BBS5: variants seen among roughly 807,000 people sequenced by gnomAD.
The protein encoded by BBS5 is BBSome complex member BBS5.
BBS5 carries 39 observed loss-of-function variants against 50.2 expected under a neutral mutation model. That is an observed-to-expected ratio of 0.78 (90% confidence interval 0.60 to 1.01). The LOEUF (loss-of-function observed/expected upper bound fraction) is 1.01, where lower values mean the gene tolerates loss of function less well. Among genes scored for constraint, BBS5 ranks in the 50% least tolerant of loss-of-function variants. The probability of loss-of-function intolerance (pLI) is 0.00; values close to 1 mark genes in which losing one functional copy is unlikely to be tolerated. For missense variants in BBS5, 356 were observed against 401.5 expected, an observed-to-expected ratio of 0.89 and a Z score of 0.97; for synonymous variants, 134 against 133.1, an observed-to-expected ratio of 1.01 and a Z score of -0.05.
chr2:169,497,486 C>G (rs74715514), intron 7 of BBS5, 141 bp from the exon 8 acceptor site: 29,645 of 594,442 alleles, frequency 0.05, 929 homozygotes, highest in East Asian at 0.11. Flanking sequence ...ATCTCTGTGG[C>G]AGTTTAATGA....
In BBS5 at chr2:169,504,980, G is replaced by C; in HGVS notation, c.*398G>C. ...CTACGTGTGCTTTTTCAAGGGAGCT[G>C]ATAAAGAACTTCTTCCCAAAATGGC... On this transcript the variant is annotated 3_prime_UTR_variant, in exon 12 of 12. Transcript: ENST00000295240. 6.2e-7 allele frequency: 1 copy of C among 1,612,898 alleles called. No individual in the cohort carries two copies. Among genetic ancestry groups the C allele is most frequent in the South Asian group, 1.1e-5 (1 of 91,088 alleles).
intron 5 of BBS5, 128 bp downstream of exon 5, chr2:169,488,242 G>A (rs557814920): frequency 2.3e-6 from 2 of 873,254 alleles, no homozygotes; most frequent in African/African-American, 3.4e-5. Flanking sequence ...CGAATTGGGT[G>A]AGGGTATGGT....
intron 1 of BBS5, among the ~76,000 whole-genome samples, chr2:169,481,157 A>G (rs1180067554): frequency 6.6e-6 from 1 of 152,200 alleles, no homozygotes; most frequent in Non-Finnish European, 1.5e-5. Context: ...CATACAGACA[A>G]CCACTATAAT....
At chr2:169,488,662 G>A (rs953087474) in intron 5 of BBS5, among the ~76,000 whole-genome samples, 1 of 152,230 alleles carries the variant, frequency 6.6e-6, no homozygotes, top group Non-Finnish European at 1.5e-5. Context: ...AAGCTTAGAA[G>A]TGTGGTACTG....
chr2:169,480,667 A>G (rs1486579115), intron 1 of BBS5, among the ~76,000 whole-genome samples: 1 of 90,318 alleles, frequency 1.1e-5, no homozygotes. Context: ...ATTTTCTGTC[A>G]TTCTTTTTTT....
chr2:169,489,634 T>TG (rs2105295762), intron 5 of BBS5, among the ~76,000 whole-genome samples: 1 of 151,090 alleles, frequency 6.6e-6, no homozygotes, highest in South Asian at 2.1e-4. Context: ...TTTCTTCTTG[T>TG]TGTTTACTAA....
chr2:169,499,501 C>A lies in BBS5; in HGVS notation c.697C>A (p.Leu233Ile). ...TCTCTTGTAGAGTGGTGGATATGTT[C>A]TTGGCTTTAAAATAGATCCTGTGGA... The part of the protein sequence containing the change: ...ESSQQSGGYV[L>I]GFKIDPVEKL... The change falls in exon 9 of 12, where the codon CTT (leucine) becomes ATT (isoleucine). Residue 233 changes from leucine to isoleucine, a missense_variant. Physicochemically the swap from Leu to Ile is conservative, Grantham distance 5 (BLOSUM62 2). Coordinates refer to ENST00000295240, the MANE Select transcript of BBS5 (RefSeq NM_152384.3). 6.2e-7 allele frequency: 1 copy of A among 1,612,758 alleles called. No homozygotes were observed. Among genetic ancestry groups the A allele is most frequent in the Non-Finnish European group, 8.5e-7 (1 of 1,179,354 alleles).
intron 7 of BBS5, among the ~76,000 whole-genome samples, chr2:169,496,742 G>A (rs993226126): frequency 1.4e-4 from 21 of 151,870 alleles, no homozygotes; most frequent in Admixed American, 2.0e-4. Flanking sequence ...AGTGGCGGGC[G>A]CCTGTAGTCC....
chr2:169,479,800 G>A (rs1683356521), intron 1 of BBS5, among the ~76,000 whole-genome samples, 188 bp downstream of exon 1: 1 of 152,218 alleles, frequency 6.6e-6, no homozygotes, highest in African/African-American at 2.4e-5. Context: ...CTCGAGGCCG[G>A]CGCCGCGGCA....
At position 169,505,261 on chromosome 2, in the gene BBS5, A is replaced by G. The variant is rs371518337; in HGVS notation, c.*679A>G. On this transcript the variant is annotated 3_prime_UTR_variant, in exon 12 of 12. Coordinates refer to ENST00000295240, the MANE Select transcript of BBS5 (RefSeq NM_152384.3). ...CGGAGTCTGGTTCACTTAGTGCTCA[A>G]TGGTGCCCAGGCTGGAGTGCAGTGG... The G allele has an allele frequency of 5.0e-4, 215 of 425,964 alleles. No homozygotes were observed. The highest frequency in any genetic ancestry group is 3.8e-3 in the African/African-American group (189 of 49,132). 26.4% of individuals were successfully genotyped at this position (425,964 alleles called of 1,614,324 possible). A position where few individuals can be genotyped will look rare whatever the true frequency, so the allele number is the denominator to read the frequency against.
chr2:169,482,202 A>G, intron 1 of BBS5, 49 bp from the exon 2 acceptor site: 1 of 1,142,972 alleles, frequency 8.7e-7, no homozygotes, highest in Non-Finnish European at 1.3e-6. Context: ...ATAGATTGCA[A>G]GCAGGTATAG....
Position 169,504,610 on chromosome 2 carries a change from T to C in BBS5, c.*28T>C, listed in dbSNP as rs1327645456. The C allele has an allele frequency of 2.0e-6, 3 of 1,492,868 alleles. No homozygotes were observed. The highest frequency in any genetic ancestry group is 2.8e-6 in the Non-Finnish European group (3 of 1,069,464). 92.5% of individuals were successfully genotyped at this position (1,492,868 alleles called of 1,614,324 possible). A position where few individuals can be genotyped will look rare whatever the true frequency, so the allele number is the denominator to read the frequency against. On this transcript the variant is annotated 3_prime_UTR_variant, in exon 12 of 12. Transcript: ENST00000295240. Reference sequence around the variant, plus strand: ...GACCTTGAGTTGAGATGGATTTCTATTAAAGATATCTCTAGTTTAAAGATA... The same window carrying C: ...GACCTTGAGTTGAGATGGATTTCTACTAAAGATATCTCTAGTTTAAAGATA...
Position 169,497,690 on chromosome 2 carries a change from G to T in BBS5, c.681+1G>T. ...TCTTGTCATAGAAAGCTCTCAGCAG[G>T]TAAGATCTTGTATATTTTTATTAAT... On this transcript the variant is annotated splice_donor_variant, in intron 8 of 11. Coordinates refer to ENST00000295240, the MANE Select transcript of BBS5 (RefSeq NM_152384.3). LOFTEE classifies it high-confidence loss of function. 5 of 1,571,912 alleles carry T rather than the reference G, an allele frequency of 3.2e-6. No homozygotes were observed. Among genetic ancestry groups the T allele is most frequent in the Middle Eastern group, 1.7e-4 (1 of 5,960 alleles).
Position 169,504,639 on chromosome 2 carries a change from G to GGCCGGGCGCGGTGGC in BBS5, c.*57_*58insGCCGGGCGCGGTGGC. Reference sequence around the variant, plus strand: ...AGATATCTCTAGTTTAAAGATACTAGTCACCTGCCATAAGTCATGGAATAG... The same window carrying GGCCGGGCGCGGTGGC: ...AGATATCTCTAGTTTAAAGATACTAGGCCGGGCGCGGTGGCTCACCTGCCATAAGTCATGGAATAG... On this transcript the variant is annotated 3_prime_UTR_variant, in exon 12 of 12. Transcript: ENST00000295240. 7.7e-7 allele frequency: 1 copy of GGCCGGGCGCGGTGGC among 1,305,200 alleles called. No homozygotes were observed. Among genetic ancestry groups the GGCCGGGCGCGGTGGC allele is most frequent in the Non-Finnish European group, 1.1e-6 (1 of 898,814 alleles). The allele number at this position is 1,305,200 out of a possible 1,614,324, so 80.9% of individuals were successfully genotyped here. A position where few individuals can be genotyped will look rare whatever the true frequency, so the allele number is the denominator to read the frequency against.
rs150526482 is a variant in BBS5, at chr2:169,504,184, A to C, written c.901-119A>C. 653 of 922,968 alleles carry C rather than the reference A, an allele frequency of 7.1e-4. 3 individuals are homozygous for C. In the African/African-American group the frequency reaches 0.01, roughly 14 times the overall value. The allele number at this position is 922,968 out of a possible 1,614,324, so 57.2% of individuals were successfully genotyped here. ...ATAGGTGAAAAAAACATTACACAGT[A>C]ACAGAATGTGAAATACATTTAGTTA... On this transcript the variant is annotated intron_variant, in intron 10 of 11. Transcript: ENST00000295240.
chr2:169,487,271 T>G, intron 3 of BBS5, 137 bp downstream of exon 3: 1 of 664,778 alleles, frequency 1.5e-6, no homozygotes, highest in Non-Finnish European at 2.6e-6. Context: ...GACATCATAA[T>G]GCAAACAAAA....
intron 7 of BBS5, among the ~76,000 whole-genome samples, chr2:169,494,217 C>G (rs568610352): frequency 6.6e-6 from 1 of 152,316 alleles, no homozygotes; most frequent in South Asian, 2.1e-4. Context: ...ATTTAGCACA[C>G]TGATCCACAG....
chr2:169,502,290 A>ATATTAT (rs967371429), intron 9 of BBS5, among the ~76,000 whole-genome samples: 1 of 152,188 alleles, frequency 6.6e-6, no homozygotes, highest in African/African-American at 2.4e-5. Context: ...ACTGTGAGGC[A>ATATTAT]TATTATTATT....
intron 7 of BBS5, 40 bp from the exon 8 acceptor site, chr2:169,497,584 TTAA>T (rs768851554): frequency 8.6e-7 from 1 of 1,159,020 alleles, no homozygotes; most frequent in Non-Finnish European, 1.3e-6. Context: ...CACTATTCAG[TTAA>T]TAAAAACTTG....
Sources: gnomAD v4.1 joint callset for allele counts (sites outside exome capture counted in the v4.1 genomes callset) on GRCh38, gnomAD v4.1.1 for gene constraint, MANE v1.5 for transcripts, NCBI Gene and HGNC (gene_info 2026-07-23, HGNC 2026-07-21) for gene names.